Variants in PIK3R3 observed in about 807,000 individuals in gnomAD.
PIK3R3 encodes the protein phosphatidylinositol 3-kinase regulatory subunit gamma.
PIK3R3 carries 64 observed loss-of-function variants against 62.9 expected under a neutral mutation model. That is an observed-to-expected ratio of 1.02 (90% CI 0.83 to 1.25). The LOEUF is 1.25. PIK3R3 is among the 50% of genes most tolerant of loss of function. The pLI is 0.00. For synonymous variants in PIK3R3, 165 were observed against 189.0 expected (o/e 0.87, Z 1.04); for missense variants, 614 against 561.6 (o/e 1.09, Z -0.94).
intron 1 of PIK3R3, among the ~76,000 whole-genome samples, chr1:46,124,465 A>G (rs1343005292): frequency 6.6e-6 from 1 of 152,218 alleles, no homozygotes; most frequent in African/African-American, 2.4e-5. Flanking sequence ...AATCATAAAC[A>G]CGTCCTATCT....
At chr1:46,071,938 G>C (rs1649579521) in intron 3 of PIK3R3, among the ~76,000 whole-genome samples, 1 of 151,094 alleles carries the variant, frequency 6.6e-6, no homozygotes, top group Non-Finnish European at 1.5e-5. Context: ...TTATCTTTTA[G>C]CCAAACAGGA....
At chr1:46,112,851 G>A (rs1653857541) in intron 1 of PIK3R3, among the ~76,000 whole-genome samples, 1 of 152,058 alleles carries the variant, frequency 6.6e-6, no homozygotes, top group Non-Finnish European at 1.5e-5. Flanking sequence ...TCATTTTTAT[G>A]TAAGAGGCCA....
At chr1:46,087,095 C>CA (rs1651133306) in intron 1 of PIK3R3, among the ~76,000 whole-genome samples, 1 of 152,152 alleles carries the variant, frequency 6.6e-6, no homozygotes, top group African/African-American at 2.4e-5. Flanking sequence ...GGGTGGGGAA[C>CA]ATCACACACC....
At chr1:46,078,700 C>T (rs1327830203) in intron 2 of PIK3R3, among the ~76,000 whole-genome samples, 1 of 152,006 alleles carries the variant, frequency 6.6e-6, no homozygotes, top group African/African-American at 2.4e-5. Flanking sequence ...ATATTAATTG[C>T]AGCATTATTT....
chr1:46,120,386 A>G (rs1654559738), intron 1 of PIK3R3, among the ~76,000 whole-genome samples: 1 of 152,070 alleles, frequency 6.6e-6, no homozygotes. Flanking sequence ...GACCATCCTG[A>G]CCAACATGGT....
chr1:46,131,948 T>C lies in PIK3R3; in HGVS notation c.5A>G (p.Tyr2Cys). The change falls in exon 1 of 10, where the codon TAC becomes TGC. Residue 2 changes from tyrosine (Y) to cysteine (C), a missense_variant. Transcript: ENST00000262741. ...GCGGTCCATACTCCACACCGTATTG[T>C]ACATCGCGCTGTCAGGGGCAGGTCG... M[Y>C]NTVWSMDRDD... 6 of 1,614,050 alleles carry C rather than the reference T, an allele frequency of 3.7e-6. No homozygotes were observed. The highest frequency in any genetic ancestry group is 5.1e-6 in the Non-Finnish European group (6 of 1,179,956).
chr1:46,102,077 T>C (rs1368324423), intron 1 of PIK3R3, among the ~76,000 whole-genome samples: 1 of 127,500 alleles, frequency 7.8e-6, no homozygotes, highest in Non-Finnish European at 1.6e-5. Flanking sequence ...CTCCGCCCCC[T>C]GGGGTTCACG....
upstream of PIK3R3, among the ~76,000 whole-genome samples, chr1:46,136,174 T>C (rs976854183): frequency 6.6e-6 from 1 of 151,820 alleles, no homozygotes; most frequent in Non-Finnish European, 1.5e-5. Context: ...TCTCTCACCA[T>C]TTTCCCTTGA....
the PIK3R3 span, among the ~76,000 whole-genome samples, chr1:46,150,755 G>T: frequency 6.6e-6 from 1 of 151,126 alleles, no homozygotes; most frequent in South Asian, 2.1e-4. Flanking sequence ...ACCTGGATAA[G>T]GATAAAACAT....
intron 1 of PIK3R3, among the ~76,000 whole-genome samples, chr1:46,109,645 G>A (rs923979311): frequency 2.6e-5 from 4 of 152,020 alleles, no homozygotes; most frequent in East Asian, 1.9e-4. Flanking sequence ...CAACACCCCC[G>A]GCTAGTTTTT....
At position 46,043,810 on chromosome 1, in the gene PIK3R3, C is replaced by T; in HGVS notation, c.1249G>A (p.Glu417Lys). 6 of 1,614,132 alleles carry T rather than the reference C, an allele frequency of 3.7e-6. No individual in the cohort carries two copies. The highest frequency in any genetic ancestry group is 5.1e-6 in the Non-Finnish European group (6 of 1,179,968). Reference protein sequence around the residue: ...YSTARGYGFAEPYNLYSSLKE... With the variant: ...YSTARGYGFAKPYNLYSSLKE... ...AGAGAGCTGTACAGGTTGTAGGGCTCTGCAAAGCCATAGCCCCGAGCAGTG... is the reference window on the plus strand; with the variant it reads ...AGAGAGCTGTACAGGTTGTAGGGCTTTGCAAAGCCATAGCCCCGAGCAGTG... Residue 417 changes from glutamate to lysine, a missense_variant, in exon 10 of 10, where the codon GAG becomes AAG. By Grantham distance (56) the Glu-to-Lys change is moderately conservative. Transcript: ENST00000262741.
rs533374002 is a variant in PIK3R3, at chr1:46,087,313, G to GT, written c.107-6564dup. Among the ~76,000 whole-genome samples, 303 of 150,238 alleles carry GT rather than the reference G, an allele frequency of 2.0e-3. 1 individual carries two copies. The highest frequency in any genetic ancestry group is 3.3e-3 in the Non-Finnish European group (222 of 67,594). ...CATGCTCAGTGCTGTGTTTTAGAATGTAAAAAAAAAAAGAAAGAAAAAAGA... is the reference window on the plus strand; with the variant it reads ...CATGCTCAGTGCTGTGTTTTAGAATGTTAAAAAAAAAAAGAAAGAAAAAAGA... On this transcript the variant is annotated intron_variant, in intron 1 of 9. Coordinates refer to ENST00000262741, the MANE Select transcript of PIK3R3 (RefSeq NM_003629.4).
At chr1:46,141,050 C>T in the PIK3R3 span, among the ~76,000 whole-genome samples, 1 of 151,446 alleles carries the variant, frequency 6.6e-6, no homozygotes, top group Non-Finnish European at 1.5e-5. Context: ...TTTGTAGAGA[C>T]GAGGTCTCAC....
At chr1:46,081,734 C>A (rs1467163558) in intron 1 of PIK3R3, among the ~76,000 whole-genome samples, 3 of 152,134 alleles carry the variant, frequency 2.0e-5, no homozygotes, top group Non-Finnish European at 2.9e-5. Context: ...CCATTCTCTA[C>A]TAAAAGGAAC....
At chr1:46,097,721 T>G (rs529968320) in intron 1 of PIK3R3, among the ~76,000 whole-genome samples, 7 of 150,448 alleles carry the variant, frequency 4.7e-5, no homozygotes, top group Non-Finnish European at 1.0e-4. Flanking sequence ...AACCCCGTCT[T>G]TACTAAAAAT....
intron 1 of PIK3R3, chr1:46,105,260 T>C (rs775256684): frequency 9.5e-6 from 3 of 316,450 alleles, no homozygotes; most frequent in East Asian, 5.7e-5. Flanking sequence ...TCCCAGAACT[T>C]TGGGAGGCCG....
At chr1:46,084,163 A>G (rs1376038341) in intron 1 of PIK3R3, among the ~76,000 whole-genome samples, 1 of 152,266 alleles carries the variant, frequency 6.6e-6, no homozygotes. Flanking sequence ...GAAGCCTGTC[A>G]TGAAAGGCCA....
intron 1 of PIK3R3, among the ~76,000 whole-genome samples, chr1:46,097,802 T>A (rs1348598997): frequency 2.0e-5 from 3 of 147,262 alleles, no homozygotes; most frequent in Non-Finnish European, 4.4e-5. Context: ...GGCAGGAGAA[T>A]CACTTGAACC....
intron 2 of PIK3R3, among the ~76,000 whole-genome samples, chr1:46,080,227 A>G (rs983233894): frequency 1.3e-5 from 2 of 148,374 alleles, no homozygotes; most frequent in Non-Finnish European, 3.0e-5. Flanking sequence ...ATGCCCAGCT[A>G]ATTTTTTGTA....
Sources: allele counts gnomAD v4.1 joint callset (sites outside exome capture counted in the v4.1 genomes callset), GRCh38; gene constraint gnomAD v4.1.1; transcripts MANE v1.5; gene names NCBI Gene and HGNC (gene_info 2026-07-23, HGNC 2026-07-21).